The following GPATCH2 variants were observed in gnomAD, a reference collection of about 807,000 sequenced individuals.
GPATCH2 encodes G patch domain-containing protein 2.
GPATCH2 carries 51 observed loss-of-function variants against 58.0 expected under a neutral mutation model. The observed-to-expected ratio is 0.88, with a 90% confidence interval of 0.70 to 1.11. GPATCH2 has a LOEUF of 1.11. Among genes scored for constraint, GPATCH2 ranks in the 50% most tolerant of loss-of-function variants. The pLI, the probability that GPATCH2 is intolerant of heterozygous loss-of-function variation, is 0.00. For synonymous variants in GPATCH2, 222 were observed against 218.5 expected, an observed-to-expected ratio of 1.02 and a Z score of -0.14; for missense variants, 625 against 652.2, an observed-to-expected ratio of 0.96 and a Z score of 0.45.
intron 1 of GPATCH2, 146 bp from the exon 2 acceptor site, chr1:217,620,645 C>T: frequency 1.7e-6 from 1 of 581,226 alleles, no homozygotes; most frequent in Non-Finnish European, 3.0e-6. Flanking sequence ...CAAGATATTA[C>T]AGTTTTAAAT....
At position 217,523,940 on chromosome 1, in the gene GPATCH2, G is replaced by A. The variant is rs1378850631; in HGVS notation, c.1099-9051C>T. Among the ~76,000 whole-genome samples, 6 of 131,232 alleles carry A rather than the reference G, an allele frequency of 4.6e-5. 1 individual carries two copies. The highest frequency in any genetic ancestry group is 1.1e-4 in the African/African-American group (4 of 36,682). The allele number at this position is 131,232 out of a possible 152,430, so 86.1% of individuals were successfully genotyped here. A position where few individuals can be genotyped will look rare whatever the true frequency, so the allele number is the denominator to read the frequency against. The stretch of plus-strand genomic sequence containing the variant: ...TCCCTCCCGGACGGGGCAGTTGGCC[G>A]GGCGGGGGGCTGACCCCCACACCTC... On this transcript the variant is annotated intron_variant, in intron 5 of 9. Coordinates refer to ENST00000366935, the MANE Select transcript of GPATCH2 (RefSeq NM_018040.5).
rs536230956 is a variant in GPATCH2 at position 217,498,217 on chromosome 1, C to G, written c.1206+139G>C. The G allele has an allele frequency of 2.2e-5, 17 of 783,754 alleles. No individual in the cohort carries two copies. The East Asian group carries it at 4.1e-4, about 19-fold the overall frequency. 48.5% of individuals were successfully genotyped at this position (783,754 alleles called of 1,614,324 possible). A position where few individuals can be genotyped will look rare whatever the true frequency, so the allele number is the denominator to read the frequency against. On this transcript the variant is annotated intron_variant, in intron 7 of 9. Coordinates refer to ENST00000366935, the MANE Select transcript of GPATCH2 (RefSeq NM_018040.5). ...CATTTATTTGGTCAGTGTATTTAATCGTTGACATAATTAACACCTTTTAAA... is the reference window on the plus strand; with the variant it reads ...CATTTATTTGGTCAGTGTATTTAATGGTTGACATAATTAACACCTTTTAAA...
At chr1:217,567,644 A>G (rs1314935305) in intron 5 of GPATCH2, among the ~76,000 whole-genome samples, 1 of 152,262 alleles carries the variant, frequency 6.6e-6, no homozygotes, top group East Asian at 1.9e-4. Flanking sequence ...TGTAAGAGTT[A>G]TCTAGACACC....
At chr1:217,619,072 G>A (rs1167641172) in intron 2 of GPATCH2, among the ~76,000 whole-genome samples, 2 of 151,824 alleles carry the variant, frequency 1.3e-5, no homozygotes, top group East Asian at 1.9e-4. Flanking sequence ...TCGGTTTTGC[G>A]GACCCATGCC....
chr1:217,444,222 G>A (rs1257295023), intron 9 of GPATCH2, among the ~76,000 whole-genome samples: 1 of 152,156 alleles, frequency 6.6e-6, no homozygotes, highest in East Asian at 1.9e-4. Context: ...TTTCCAGTCT[G>A]CCCATTTCTG....
intron 5 of GPATCH2, among the ~76,000 whole-genome samples, chr1:217,587,497 A>C (rs1331643417): frequency 6.6e-6 from 1 of 152,232 alleles, no homozygotes; most frequent in Non-Finnish European, 1.5e-5. Flanking sequence ...TGAAACCAGC[A>C]GGCAAAGGAG....
At chr1:217,616,297 A>T (rs1339708960) in intron 2 of GPATCH2, among the ~76,000 whole-genome samples, 1 of 152,164 alleles carries the variant, frequency 6.6e-6, no homozygotes, top group African/African-American at 2.4e-5. Context: ...TAAAAATTTA[A>T]AATTACTTCA....
In GPATCH2 at chr1:217,484,556, TTATA is replaced by T. The variant is rs60742327; in HGVS notation, c.1277+7120_1277+7123del. Among the ~76,000 whole-genome samples, 219 of 143,176 alleles carry T rather than the reference TTATA, an allele frequency of 1.5e-3. 4 individuals are homozygous for T. Among genetic ancestry groups the T allele is most frequent in the Non-Finnish European group, 4.6e-4 (30 of 65,670 alleles). The allele number at this position is 143,176 out of a possible 152,430, so 93.9% of individuals were successfully genotyped here. ...AATAAATCTTTCTATATATAATTAT[TTATA>T]TATATATATATATATATGATGCACA... On this transcript the variant is annotated intron_variant, in intron 8 of 9. Coordinates refer to ENST00000366935, the MANE Select transcript of GPATCH2 (RefSeq NM_018040.5).
chr1:217,527,849 T>C (rs181877489), intron 5 of GPATCH2, among the ~76,000 whole-genome samples: 39 of 152,308 alleles, frequency 2.6e-4, no homozygotes, highest in Middle Eastern at 3.4e-3. Flanking sequence ...TTCTAATGAA[T>C]TGCACAATAT....
chr1:217,624,212 C>T (rs553336952), intron 1 of GPATCH2, among the ~76,000 whole-genome samples: 1 of 152,166 alleles, frequency 6.6e-6, no homozygotes, highest in African/African-American at 2.4e-5. Context: ...GCTTCACTAA[C>T]ATCCCTCAGT....
chr1:217,496,460 G>A (rs1018092514), intron 7 of GPATCH2, among the ~76,000 whole-genome samples: 3 of 152,086 alleles, frequency 2.0e-5, no homozygotes, highest in African/African-American at 7.2e-5. Context: ...TTGTTTGTTT[G>A]TTTGTTTGTT....
intron 5 of GPATCH2, among the ~76,000 whole-genome samples, chr1:217,571,703 CA>C (rs11463536): frequency 1.4e-3 from 100 of 73,818 alleles, no homozygotes; most frequent in African/African-American, 2.5e-3. Context: ...AAAACGAAAC[CA>C]AAAAAAAAAA....
chr1:217,612,620 A>G (rs1668687562), intron 3 of GPATCH2, among the ~76,000 whole-genome samples: 1 of 152,176 alleles, frequency 6.6e-6, no homozygotes, highest in Admixed American at 6.5e-5. Context: ...GATCAGGTTT[A>G]AGCATAAGAA....
At chr1:217,533,494 A>G (rs368130696) in intron 5 of GPATCH2, among the ~76,000 whole-genome samples, 15 of 152,314 alleles carry the variant, frequency 9.8e-5, no homozygotes, top group African/African-American at 2.9e-4. Flanking sequence ...AGGGACCCCC[A>G]GTGGTTTCCA....
At position 217,620,172 on chromosome 1, in the gene GPATCH2, C is replaced by T. The variant is rs772835263; in HGVS notation, c.384G>A (p.Pro128=). The T allele has an allele frequency of 1.6e-5, 26 of 1,613,764 alleles. No homozygotes were observed. The highest frequency in any genetic ancestry group is 6.6e-5 in the South Asian group (6 of 91,088). Residue 128 remains proline (P), a synonymous_variant, in exon 2 of 10, where the codon CCG becomes CCA. Transcript: ENST00000366935. ...DDQMLVAKRR[P]SSNLNNNVRG... is the part of the protein sequence containing the mutation. ...GAACATTATTATTTAAGTTTGATGACGGCCTGCGCTTTGCTACTAACATTT... is the reference window on the plus strand; with the variant it reads ...GAACATTATTATTTAAGTTTGATGATGGCCTGCGCTTTGCTACTAACATTT...
intron 5 of GPATCH2, among the ~76,000 whole-genome samples, chr1:217,577,609 G>A (rs1666864008): frequency 6.6e-6 from 1 of 152,086 alleles, no homozygotes; most frequent in Non-Finnish European, 1.5e-5. Context: ...TTTGTCTACA[G>A]AAAAAATTCA....
chr1:217,560,561 CAAAT>C (rs1437236578), intron 5 of GPATCH2, among the ~76,000 whole-genome samples: 7 of 152,286 alleles, frequency 4.6e-5, no homozygotes, highest in African/African-American at 1.7e-4. Flanking sequence ...TTAAGGTTAT[CAAAT>C]AAAACATTAA....
rs191029044 is a variant in GPATCH2, at chr1:217,536,742, C to T, written c.1099-21853G>A. Among the ~76,000 whole-genome samples, 641 of 152,134 alleles carry T rather than the reference C, an allele frequency of 4.2e-3. 7 individuals carry two copies. Among genetic ancestry groups the T allele is most frequent in the African/African-American group, 0.015 (615 of 41,486 alleles). On this transcript the variant is annotated intron_variant, in intron 5 of 9. Coordinates refer to ENST00000366935, the MANE Select transcript of GPATCH2 (RefSeq NM_018040.5). ...GTAATCCCAACACTTTTTGGGAGGCCGAGGCAGACGGATCATGAGGTCAGG... is the reference window on the plus strand; with the variant it reads ...GTAATCCCAACACTTTTTGGGAGGCTGAGGCAGACGGATCATGAGGTCAGG...
chr1:217,525,131 G>A (rs2102610196), intron 5 of GPATCH2, among the ~76,000 whole-genome samples: 2 of 151,100 alleles, frequency 1.3e-5, no homozygotes, highest in East Asian at 3.9e-4. Flanking sequence ...ATGTCAAAAG[G>A]TGACTACATT....
Sources: allele counts gnomAD v4.1 joint callset (sites outside exome capture counted in the v4.1 genomes callset), GRCh38; gene constraint gnomAD v4.1.1; transcripts MANE v1.5; gene names NCBI Gene and HGNC (gene_info 2026-07-23, HGNC 2026-07-21).